NPY5R: variants seen among roughly 807,000 people sequenced by gnomAD.
The protein encoded by NPY5R is neuropeptide Y receptor type 5.
Under a neutral mutation model 24.8 loss-of-function variants are expected in NPY5R, and 21 were observed. The observed-to-expected ratio is 0.85, with a 90% CI of 0.60 to 1.22. The LOEUF (loss-of-function observed/expected upper bound fraction) is 1.22. Ranked by LOEUF, NPY5R falls within the 50% of genes most tolerant of loss-of-function variation. The pLI, the probability that NPY5R is intolerant of heterozygous loss-of-function variation, is 0.00. For missense variants in NPY5R, 481 were observed against 521.3 expected (o/e 0.92, Z 0.75); for synonymous variants, 175 against 183.0 (o/e 0.96, Z 0.35).
rs1310845207 is a variant in NPY5R, at chr4:163,351,754, T to C, written c.*143T>C. The C allele has an allele frequency of 5.4e-6, 3 of 554,392 alleles. No individual in the cohort carries two copies. The highest frequency in any genetic ancestry group is 9.3e-6 in the Non-Finnish European group (3 of 324,120). 34.3% of individuals were successfully genotyped at this position (554,392 alleles called of 1,614,324 possible). A position where few individuals can be genotyped will look rare whatever the true frequency, so the allele number is the denominator to read the frequency against. Reference sequence around the variant, plus strand: ...AAAGAGTTCTGGATTCAAATGTCAGTTCATAATATATGGAAGATAATTTTA... The same window carrying C: ...AAAGAGTTCTGGATTCAAATGTCAGCTCATAATATATGGAAGATAATTTTA... On this transcript the variant is annotated 3_prime_UTR_variant, in exon 4 of 4. Transcript: ENST00000338566.
intron 2 of NPY5R, among the ~76,000 whole-genome samples, chr4:163,347,192 A>G (rs1735288864): frequency 6.6e-6 from 1 of 152,234 alleles, no homozygotes. Context: ...CATCATTTCT[A>G]GAATGAAAAT....
chr4:163,350,969 A>G lies in NPY5R; in HGVS notation c.696A>G (p.Thr232=), dbSNP rs141636012. The G allele has an allele frequency of 7.4e-6, 12 of 1,613,874 alleles. No homozygotes were observed. In the African/African-American group the frequency reaches 1.3e-4, roughly 18 times the overall value. Residue 232 remains threonine (T), a synonymous_variant, in exon 4 of 4, where the codon ACA becomes ACG. Transcript: ENST00000338566. ...LPLVCLTVSH[T]SVCRSISCGL... is the part of the protein sequence containing the mutation. ...TAGTTTGTCTTACTGTAAGTCATAC[A>G]AGTGTCTGCAGAAGTATAAGCTGTG...
At chr4:163,344,657 C>T (rs1203734566) in intron 1 of NPY5R, 1 of 152,254 alleles carries the variant, frequency 6.6e-6, no homozygotes, top group Non-Finnish European at 1.5e-5. Context: ...CAATAACAAA[C>T]ATCCATAGAA....
At chr4:163,348,715 C>T (rs1371456092) in intron 3 of NPY5R, among the ~76,000 whole-genome samples, 2 of 150,536 alleles carry the variant, frequency 1.3e-5, no homozygotes, top group Admixed American at 1.3e-4. Flanking sequence ...AGTCCTTTTG[C>T]CTCTTATTGG....
intron 2 of NPY5R, 36 bp downstream of exon 2, chr4:163,345,789 G>GT (rs1315769041): frequency 2.6e-5 from 4 of 151,972 alleles, no homozygotes; most frequent in South Asian, 2.1e-4. Context: ...TTTTTTGTTT[G>GT]TTTTTTCATT....
At position 163,350,814 on chromosome 4, in the gene NPY5R, G is replaced by C; in HGVS notation, c.541G>C (p.Val181Leu). Residue 181 changes from valine to leucine, a missense_variant, in exon 4 of 4, where the codon GTG (valine) becomes CTG (leucine). Physicochemically the swap from Val to Leu is conservative, Grantham distance 32. Transcript: ENST00000338566. ...CSPLPVFHSL[V>L]ELQETFGSAL... ...TCCCCTTCCAGTGTTTCACAGTCTT[G>C]TGGAACTTCAAGAAACATTTGGTTC... 3.7e-6 allele frequency: 6 copies of C among 1,614,188 alleles called. No individual in the cohort carries two copies. Among genetic ancestry groups the C allele is most frequent in the Non-Finnish European group, 5.1e-6 (6 of 1,180,018 alleles).
At position 163,350,682 on chromosome 4, in the gene NPY5R, A is replaced by G. The variant is rs751405239; in HGVS notation, c.409A>G (p.Ile137Val). The change falls in exon 4 of 4, where the codon ATT becomes GTT. Residue 137 changes from isoleucine to valine, a missense_variant. By Grantham distance (29) the Ile-to-Val change is conservative. Coordinates refer to ENST00000338566, the MANE Select transcript of NPY5R (RefSeq NM_006174.4). ...VSTLILISIAIVRYHMIKHPI... is the reference protein window; with the variant it reads ...VSTLILISIAVVRYHMIKHPI... The stretch of plus-strand genomic sequence containing the variant: ...AACTTTAATTTTAATATCAATTGCC[A>G]TTGTCAGGTATCATATGATAAAACA... The G allele has an allele frequency of 3.7e-6, 6 of 1,613,862 alleles. No individual in the cohort carries two copies. The South Asian group carries it at 4.4e-5, about 12-fold the overall frequency.
At position 163,350,507 on chromosome 4, in the gene NPY5R, C is replaced by G; in HGVS notation, c.234C>G (p.Phe78Leu). Reference sequence around the variant, plus strand: ...GTAATCAGAAGACTACGGTAAACTTCCTCATAGGCAATCTGGCCTTTTCTG... The same window carrying G: ...GTAATCAGAAGACTACGGTAAACTTGCTCATAGGCAATCTGGCCTTTTCTG... ...KKRNQKTTVNFLIGNLAFSDI... is the reference protein window; with the variant it reads ...KKRNQKTTVNLLIGNLAFSDI... Residue 78 changes from phenylalanine to leucine, a missense_variant, in exon 4 of 4, where the codon TTC (phenylalanine) becomes TTG (leucine). Phe to Leu is a conservative substitution (Grantham distance 22). Transcript: ENST00000338566. The G allele has an allele frequency of 6.2e-7, 1 of 1,614,124 alleles. No homozygotes were observed. Among genetic ancestry groups the G allele is most frequent in the Non-Finnish European group, 8.5e-7 (1 of 1,180,016 alleles).
At chr4:163,345,207 C>T (rs1735181413) in intron 1 of NPY5R, 1 of 152,132 alleles carries the variant, frequency 6.6e-6, no homozygotes, top group Non-Finnish European at 1.5e-5. Context: ...CTTTTAATAT[C>T]CTTTGAATTC....
rs1233041247 is a variant in NPY5R at position 163,350,941 on chromosome 4, C to T, written c.668C>T (p.Pro223Leu). 1 of 1,613,844 alleles carries T rather than the reference C, an allele frequency of 6.2e-7. No homozygotes were observed. The highest frequency in any genetic ancestry group is 8.5e-7 in the Non-Finnish European group (1 of 1,179,956). Residue 223 changes from proline (P) to leucine (L), a missense_variant, in exon 4 of 4, where the codon CCC becomes CTC. Pro to Leu is a moderately conservative substitution (Grantham distance 98, BLOSUM62 -3). Transcript: ENST00000338566. ...TTATTGCTAGTTCAGTATATTCTGC[C>T]CTTAGTTTGTCTTACTGTAAGTCAT... ...ISLLLVQYIL[P>L]LVCLTVSHTS...
At chr4:163,344,068 C>G (rs1165434500) in intron 1 of NPY5R, 68 bp downstream of exon 1, 1 of 152,192 alleles carries the variant, frequency 6.6e-6, no homozygotes. Context: ...GGGGCCGTGG[C>G]GGGTCCCCGC....
At chr4:163,348,476 A>G (rs1316145554) in intron 3 of NPY5R, among the ~76,000 whole-genome samples, 2 of 151,922 alleles carry the variant, frequency 1.3e-5, no homozygotes, top group Non-Finnish European at 2.9e-5. Context: ...AAAAAATAGA[A>G]AGATTAGCCA....
chr4:163,349,245 G>C (rs980393664), intron 3 of NPY5R: 2 of 454,766 alleles, frequency 4.4e-6, no homozygotes, highest in African/African-American at 4.2e-5. Context: ...TTTGTTACTA[G>C]AGTTTTGTTT....
intron 3 of NPY5R, among the ~76,000 whole-genome samples, chr4:163,348,573 C>CAAGGTTGTAACCA (rs909637936): frequency 2.0e-5 from 3 of 150,692 alleles, no homozygotes; most frequent in African/African-American, 7.3e-5. Flanking sequence ...TGAGTCCAGG[C>CAAGGTTGTAACCA]GTTCAAGGTT....
intron 2 of NPY5R, among the ~76,000 whole-genome samples, 154 bp from the exon 3 acceptor site, chr4:163,347,298 C>T (rs544673874): frequency 6.6e-6 from 1 of 152,172 alleles, no homozygotes; most frequent in East Asian, 1.9e-4. Flanking sequence ...TACATTGTTT[C>T]TATTACCACA....
At position 163,351,119 on chromosome 4, in the gene NPY5R, C is replaced by T; in HGVS notation, c.846C>T (p.Ile282=). 5.6e-6 allele frequency: 9 copies of T among 1,614,002 alleles called. No individual in the cohort carries two copies. Among genetic ancestry groups the T allele is most frequent in the Non-Finnish European group, 5.9e-6 (7 of 1,179,996 alleles). The change falls in exon 4 of 4, where the codon ATC becomes ATT. Residue 282 remains isoleucine, a synonymous_variant. Transcript: ENST00000338566. ...GCCATAAATGGAGTTATTCATTCATCAAAAAACACAGAAGAAGATATAGCA... is the reference window on the plus strand; with the variant it reads ...GCCATAAATGGAGTTATTCATTCATTAAAAAACACAGAAGAAGATATAGCA... The part of the protein sequence containing the change: ...SGSHKWSYSF[I]KKHRRRYSKK...
chr4:163,349,260 G>C, intron 3 of NPY5R: 6 of 688,088 alleles, frequency 8.7e-6, no homozygotes, highest in Non-Finnish European at 1.1e-5. Flanking sequence ...TTGTTTGAAC[G>C]TTTTATTCTC....
Position 163,351,029 on chromosome 4 carries a change from T to C in NPY5R, c.756T>C (p.Asn252=). The part of the protein sequence containing the change: ...LSNKENRLEE[N]EMINLTLHPS... ...ACAAAGAAAACAGACTTGAAGAAAA[T>C]GAGATGATCAACTTAACTCTTCATC... is the stretch of plus-strand genomic sequence containing the variant. The change falls in exon 4 of 4, where the codon AAT becomes AAC. Residue 252 remains asparagine (N), a synonymous_variant. Transcript: ENST00000338566. The C allele has an allele frequency of 1.2e-6, 2 of 1,614,044 alleles. No homozygotes were observed. Among genetic ancestry groups the C allele is most frequent in the Non-Finnish European group, 1.7e-6 (2 of 1,179,978 alleles).
intron 3 of NPY5R, chr4:163,349,292 C>T (rs1735382074): frequency 2.1e-6 from 2 of 933,192 alleles, no homozygotes; most frequent in South Asian, 4.9e-5. Context: ...TATTTAATAC[C>T]TGCAGTGATG....
Sources: allele counts gnomAD v4.1 joint callset (sites outside exome capture counted in the v4.1 genomes callset), GRCh38; gene constraint gnomAD v4.1.1; transcripts MANE v1.5; gene names NCBI Gene and HGNC (gene_info 2026-07-23, HGNC 2026-07-21).